The following ZDHHC2 variants were observed in gnomAD, a reference collection of about 807,000 sequenced individuals.
ZDHHC2 encodes zDHHC palmitoyltransferase 2.
A neutral mutation model predicts 55.6 loss-of-function variants in ZDHHC2; 51 were observed. That is an observed-to-expected ratio of 0.92 (90% CI 0.73 to 1.16). The LOEUF is 1.16. Among genes scored for constraint, ZDHHC2 ranks in the 50% most tolerant of loss-of-function variants. The probability of loss-of-function intolerance (pLI) is 0.00; values close to 1 mark genes in which losing one functional copy is unlikely to be tolerated. For synonymous variants in ZDHHC2, 199 were observed against 152.9 expected (o/e 1.30, Z -2.22); for missense variants, 491 against 442.4 (o/e 1.11, Z -0.99).
chr8:17,157,049 C>T (rs1412510801), intron 1 of ZDHHC2, among the ~76,000 whole-genome samples, 196 bp downstream of exon 1: 2 of 152,096 alleles, frequency 1.3e-5, no homozygotes, highest in African/African-American at 2.4e-5. Context: ...GCCCTCCCCT[C>T]CCAACTCTCG....
chr8:17,205,224 T>G (rs921624289), intron 6 of ZDHHC2, among the ~76,000 whole-genome samples: 3 of 152,178 alleles, frequency 2.0e-5, no homozygotes, highest in African/African-American at 7.2e-5. Flanking sequence ...AAAGAGTAAT[T>G]TGTGAAGATA....
At chr8:17,160,508 A>C (rs1804284966) in intron 1 of ZDHHC2, among the ~76,000 whole-genome samples, 1 of 152,232 alleles carries the variant, frequency 6.6e-6, no homozygotes, top group South Asian at 2.1e-4. Context: ...CCACAAGTTC[A>C]ATGTCCTTCC....
intron 3 of ZDHHC2, among the ~76,000 whole-genome samples, chr8:17,190,722 G>A (rs1805979689): frequency 6.6e-6 from 1 of 151,960 alleles, no homozygotes; most frequent in African/African-American, 2.4e-5. Context: ...AAAAAAACTT[G>A]TGAGTACCTA....
intron 1 of ZDHHC2, among the ~76,000 whole-genome samples, chr8:17,178,756 AT>A (rs1805280318): frequency 6.6e-6 from 1 of 152,184 alleles, no homozygotes; most frequent in Non-Finnish European, 1.5e-5. Context: ...GCAGTTTGTC[AT>A]CCTTTTCTAT....
intron 6 of ZDHHC2, among the ~76,000 whole-genome samples, chr8:17,200,293 G>A (rs1005122352): frequency 1.3e-5 from 2 of 152,326 alleles, no homozygotes; most frequent in Non-Finnish European, 2.9e-5. Context: ...GAAGTGCCAA[G>A]GCATTCATAC....
chr8:17,198,241 C>A, intron 5 of ZDHHC2, 140 bp from the exon 6 acceptor site: 3 of 681,804 alleles, frequency 4.4e-6, no homozygotes, highest in African/African-American at 1.9e-5. Flanking sequence ...CTGCTATTAT[C>A]CAATTTTTAG....
intron 7 of ZDHHC2, among the ~76,000 whole-genome samples, chr8:17,206,612 A>G (rs1478309165): frequency 1.3e-5 from 2 of 152,162 alleles, no homozygotes; most frequent in Non-Finnish European, 2.9e-5. Flanking sequence ...CATGCCTATA[A>G]TGTCCTTATG....
chr8:17,180,313 C>G (rs1029930092), intron 1 of ZDHHC2, among the ~76,000 whole-genome samples: 7 of 152,098 alleles, frequency 4.6e-5, no homozygotes, highest in African/African-American at 1.7e-4. Context: ...AGAATGAAGA[C>G]CACTTTTTTG....
intron 3 of ZDHHC2, among the ~76,000 whole-genome samples, chr8:17,194,995 A>C (rs955938150): frequency 1.3e-5 from 2 of 152,196 alleles, no homozygotes; most frequent in Admixed American, 1.3e-4. Flanking sequence ...CAAAATTGTC[A>C]GTATAAGAAG....
chr8:17,195,635 A>AT lies in ZDHHC2; in HGVS notation c.373+12dup. On this transcript the variant is annotated intron_variant, in intron 4 of 12. Coordinates refer to ENST00000262096, the MANE Select transcript of ZDHHC2 (RefSeq NM_016353.5). Reference sequence around the variant, plus strand: ...GGACCATGTCTGGAGGTAAATGTTGATAATGAGTGCTTTGCAATGGTATGC... The same window carrying AT: ...GGACCATGTCTGGAGGTAAATGTTGATTAATGAGTGCTTTGCAATGGTATGC... The AT allele has an allele frequency of 1.9e-6, 3 of 1,613,624 alleles. No individual in the cohort carries two copies. The highest frequency in any genetic ancestry group is 2.5e-6 in the Non-Finnish European group (3 of 1,179,652).
intron 3 of ZDHHC2, among the ~76,000 whole-genome samples, chr8:17,189,228 C>G (rs1473238962): frequency 7.1e-6 from 1 of 140,100 alleles, no homozygotes; most frequent in Non-Finnish European, 1.5e-5. Flanking sequence ...TTTTTGATGT[C>G]TTTATACAAA....
intron 1 of ZDHHC2, among the ~76,000 whole-genome samples, chr8:17,170,310 C>G (rs1399024948): frequency 1.3e-5 from 2 of 152,176 alleles, no homozygotes; most frequent in East Asian, 3.8e-4. Flanking sequence ...TGACCCAGTG[C>G]TATCGTGCAG....
intron 3 of ZDHHC2, among the ~76,000 whole-genome samples, chr8:17,187,372 T>C (rs1229707122): frequency 1.3e-5 from 2 of 152,180 alleles, no homozygotes; most frequent in South Asian, 2.1e-4. Context: ...AAATATACTT[T>C]GCTAACTCTA....
intron 7 of ZDHHC2, 87 bp downstream of exon 7, chr8:17,205,862 C>A: frequency 7.7e-7 from 1 of 1,303,254 alleles, no homozygotes; most frequent in Non-Finnish European, 1.0e-6. Flanking sequence ...CCGACACTGA[C>A]TTTATAGACC....
chr8:17,193,651 G>C (rs769792598), intron 3 of ZDHHC2, among the ~76,000 whole-genome samples: 1 of 152,242 alleles, frequency 6.6e-6, no homozygotes, highest in Non-Finnish European at 1.5e-5. Flanking sequence ...GGCCCTGGCC[G>C]GGTTCAGAGA....
intron 11 of ZDHHC2, among the ~76,000 whole-genome samples, chr8:17,216,655 A>G (rs1807664679): frequency 1.3e-5 from 2 of 152,294 alleles, no homozygotes; most frequent in East Asian, 1.9e-4. Context: ...TACATAATTT[A>G]TGTTAAAATA....
chr8:17,198,334 T>G, intron 5 of ZDHHC2, 47 bp from the exon 6 acceptor site: 1 of 1,523,268 alleles, frequency 6.6e-7, no homozygotes, highest in African/African-American at 1.4e-5. Context: ...TTAATATGAT[T>G]AAAATTTCAT....
At chr8:17,185,218 A>G (rs57528055) in intron 2 of ZDHHC2, among the ~76,000 whole-genome samples, 96 of 152,346 alleles carry the variant, frequency 6.3e-4, no homozygotes, top group African/African-American at 2.2e-3. Flanking sequence ...TTCTTTAGAA[A>G]AATTTAAAAT....
At chr8:17,164,681 T>C (rs1224847204) in intron 1 of ZDHHC2, among the ~76,000 whole-genome samples, 1 of 152,202 alleles carries the variant, frequency 6.6e-6, no homozygotes, top group Non-Finnish European at 1.5e-5. Context: ...TCTATCTTCA[T>C]GATCATGTTA....
Sources: allele counts gnomAD v4.1 joint callset (sites outside exome capture counted in the v4.1 genomes callset), GRCh38; gene constraint gnomAD v4.1.1; transcripts MANE v1.5; gene names NCBI Gene and HGNC (gene_info 2026-07-23, HGNC 2026-07-21).